The following CTDSP1 variants were observed in gnomAD, a reference collection of about 807,000 sequenced individuals.
CTDSP1 encodes the protein carboxy-terminal domain RNA polymerase II polypeptide A small phosphatase 1.
Under a neutral mutation model 32.5 loss-of-function variants are expected in CTDSP1, and 15 were observed. The observed-to-expected ratio is 0.46, with a 90% CI of 0.31 to 0.71. The LOEUF is 0.71. Ranked by LOEUF, CTDSP1 falls within the 30% of genes least tolerant of loss-of-function variation. The probability of loss-of-function intolerance (pLI) is 0.05; values close to 1 mark genes in which losing one functional copy is unlikely to be tolerated. For synonymous variants in CTDSP1, 185 were observed against 145.4 expected, an observed-to-expected ratio of 1.27 and a Z score of -1.96; for missense variants, 294 against 351.1, an observed-to-expected ratio of 0.84 and a Z score of 1.30.
chr2:218,398,433 T>C, upstream of CTDSP1: 3 of 1,534,876 alleles, frequency 2.0e-6, no homozygotes, highest in Non-Finnish European at 2.6e-6. Context: ...CCCCGTGGGC[T>C]ACCCAGGAGC....
intron 1 of CTDSP1, chr2:218,400,970 C>CCG: frequency 9.9e-6 from 1 of 100,670 alleles, no homozygotes. Flanking sequence ...TGCAGGGGGC[C>CCG]GGAGGGGGGT....
chr2:218,403,621 A>G lies in CTDSP1; in HGVS notation c.657+204A>G, dbSNP rs865933767. On this transcript the variant is annotated intron_variant, in intron 6 of 6. Transcript: ENST00000273062. The stretch of plus-strand genomic sequence containing the variant: ...ATGGTCTTTTCCCCTCGCACAAAGC[A>G]GAGCATCTGCCATGCACAGGGGCCC... 1.9e-5 allele frequency: 10 copies of G among 519,104 alleles called. No individual in the cohort carries two copies. The South Asian group carries it at 2.9e-4, about 15-fold the overall frequency. 32.2% of individuals were successfully genotyped at this position (519,104 alleles called of 1,614,324 possible). A position where few individuals can be genotyped will look rare whatever the true frequency, so the allele number is the denominator to read the frequency against.
At chr2:218,398,162 T>G (rs1696917752), upstream of CTDSP1, 1 of 531,790 alleles carries the variant, frequency 1.9e-6, no homozygotes, top group Admixed American at 3.4e-5. Flanking sequence ...CATCCGGAGA[T>G]AAAGCCGAGG....
In CTDSP1 at chr2:218,399,890, A is replaced by G. The variant is rs906311962; in HGVS notation, c.-201A>G. On this transcript the variant is annotated 5_prime_UTR_variant, in exon 1 of 7. Coordinates refer to ENST00000273062, the MANE Select transcript of CTDSP1 (RefSeq NM_021198.3). ...TTTGCATCCGCCTCGCGGGAAGGAA[A>G]CTCCATGTTGTAACAAAGTTTCCTC... 3.2e-6 allele frequency: 4 copies of G among 1,244,444 alleles called. No individual in the cohort carries two copies. In the East Asian group the frequency reaches 9.9e-5, roughly 31 times the overall value. 77.1% of individuals were successfully genotyped at this position (1,244,444 alleles called of 1,614,324 possible). A position where few individuals can be genotyped will look rare whatever the true frequency, so the allele number is the denominator to read the frequency against.
At position 218,401,718 on chromosome 2, in the gene CTDSP1, TG is replaced by T; in HGVS notation, c.216+11del. The stretch of plus-strand genomic sequence containing the variant: ...AGAATGGCGCCATCCCTAAGGTGCG[TG>T]GGGGCCAGGTGGGGCCACGGGGGCA... On this transcript the variant is annotated splice_region_variant and intron_variant, in intron 2 of 6. Coordinates refer to ENST00000273062, the MANE Select transcript of CTDSP1 (RefSeq NM_021198.3). The T allele has an allele frequency of 6.4e-7, 1 of 1,559,688 alleles. No individual in the cohort carries two copies. Among genetic ancestry groups the T allele is most frequent in the Non-Finnish European group, 8.7e-7 (1 of 1,152,926 alleles).
At chr2:218,399,823 C>G, upstream of CTDSP1, 2 of 1,181,008 alleles carry the variant, frequency 1.7e-6, no homozygotes, top group Non-Finnish European at 2.1e-6. Flanking sequence ...GAAGCCGTTG[C>G]CCTTTTAAGG....
At chr2:218,402,746 G>T in intron 4 of CTDSP1, 1 of 747,044 alleles carries the variant, frequency 1.3e-6, no homozygotes, top group Non-Finnish European at 2.5e-6. Context: ...TGGGGTGAGG[G>T]GGCTGCCCCT....
chr2:218,401,099 C>T (rs973783696), intron 1 of CTDSP1: 7 of 373,882 alleles, frequency 1.9e-5, no homozygotes, highest in Middle Eastern at 9.3e-4. Context: ...GCACCCCTGC[C>T]TCTGGGCCCA....
At chr2:218,403,975 A>G (rs2695339) in intron 6 of CTDSP1, among the ~76,000 whole-genome samples, 90,545 of 151,908 alleles carry the variant, frequency 0.6, 27,208 homozygotes, top group East Asian at 0.7. Flanking sequence ...TAGGAGTATC[A>G]CTTGAGCCCT....
rs551378353 is a variant in CTDSP1, at chr2:218,399,950, G to T, written c.-141G>T. Reference sequence around the variant, plus strand: ...TCCCTCCCCCTCCCCCCTAGAACCTGGCTCCCCTCCCCTCCGGAGCTCGCG... The same window carrying T: ...TCCCTCCCCCTCCCCCCTAGAACCTTGCTCCCCTCCCCTCCGGAGCTCGCG... On this transcript the variant is annotated 5_prime_UTR_variant, in exon 1 of 7. Transcript: ENST00000273062. 3.7e-5 allele frequency: 36 copies of T among 982,828 alleles called. No homozygotes were observed. The South Asian group carries it at 1.1e-3, about 29-fold the overall frequency. 60.9% of individuals were successfully genotyped at this position (982,828 alleles called of 1,614,324 possible). A position where few individuals can be genotyped will look rare whatever the true frequency, so the allele number is the denominator to read the frequency against.
chr2:218,398,166 G>A (rs913653301), upstream of CTDSP1: 7 of 536,926 alleles, frequency 1.3e-5, no homozygotes, highest in South Asian at 4.2e-5. Context: ...CGGAGATAAA[G>A]CCGAGGCCCC....
At chr2:218,400,730 G>A (rs1471312144) in intron 1 of CTDSP1, 5 of 455,806 alleles carry the variant, frequency 1.1e-5, no homozygotes, top group Non-Finnish European at 2.2e-5. Context: ...ACTTCCAAGA[G>A]TCGCTTGGCG....
chr2:218,397,755 C>T (rs1315590826), upstream of CTDSP1, among the ~76,000 whole-genome samples: 4 of 152,284 alleles, frequency 2.6e-5, no homozygotes. Context: ...CGAAGGACCC[C>T]CCTCCCCCCA....
chr2:218,404,211 C>G, intron 6 of CTDSP1, 86 bp from the exon 7 acceptor site: 1 of 1,518,180 alleles, frequency 6.6e-7, no homozygotes. Flanking sequence ...ACTGCATGAT[C>G]TGAGTAGTGG....
At chr2:218,402,304 C>G in intron 3 of CTDSP1, 45 bp from the exon 4 acceptor site, 1 of 1,613,418 alleles carries the variant, frequency 6.2e-7, no homozygotes, top group South Asian at 1.1e-5. Context: ...GACCCCATGC[C>G]CTGGGGCTCC....
At chr2:218,400,266 G>C (rs1394020536) in intron 1 of CTDSP1, 109 bp downstream of exon 1, 1 of 1,015,838 alleles carries the variant, frequency 9.8e-7, no homozygotes, top group East Asian at 2.7e-5. Flanking sequence ...GGCCGCCTTA[G>C]CTGTGCCCGA....
In CTDSP1 at chr2:218,404,532, TC is replaced by T; in HGVS notation, c.*108del. 3 of 1,421,062 alleles carry T rather than the reference TC, an allele frequency of 2.1e-6. No individual in the cohort carries two copies. Among genetic ancestry groups the T allele is most frequent in the Non-Finnish European group, 1.9e-6 (2 of 1,039,476 alleles). The allele number at this position is 1,421,062 out of a possible 1,614,324, so 88.0% of individuals were successfully genotyped here. A position where few individuals can be genotyped will look rare whatever the true frequency, so the allele number is the denominator to read the frequency against. On this transcript the variant is annotated 3_prime_UTR_variant, in exon 7 of 7. Coordinates refer to ENST00000273062, the MANE Select transcript of CTDSP1 (RefSeq NM_021198.3). ...GAAAACCCATGGGCCGCCGCCACAC[TC>T]AGTGCCATGGGGAAGCGGGCGTCTC... is the stretch of plus-strand genomic sequence containing the variant.
chr2:218,402,395 T>C lies in CTDSP1; in HGVS notation c.368T>C (p.Val123Ala). The change falls in exon 4 of 7, where the codon GTG (valine) becomes GCG (alanine). Residue 123 changes from valine (V) to alanine (A), a missense_variant. This residue lies in a region of CTDSP1 where 146 missense variants were observed against 237.7 expected (regional missense o/e 0.61). Coordinates refer to ENST00000273062, the MANE Select transcript of CTDSP1 (RefSeq NM_021198.3). ...ATCATCCCTGTGGAGATTGATGGGG[T>C]GGTCCACCAGGTGAGGGCCAGGAAG... ...DFIIPVEIDGVVHQVYVLKRP... is the reference protein window; with the variant it reads ...DFIIPVEIDGAVHQVYVLKRP... 6.2e-7 allele frequency: 1 copy of C among 1,609,722 alleles called. No individual in the cohort carries two copies. The highest frequency in any genetic ancestry group is 1.3e-5 in the African/African-American group (1 of 74,996).
In CTDSP1 at chr2:218,401,631, T is replaced by C. The variant is rs1431712613; in HGVS notation, c.135T>C (p.Cys45=). ...SRGILHSLFC[C]VCRDDGEALP... ...GCATCCTCCACTCACTCTTCTGCTG[T>C]GTCTGCCGGGATGATGGGGAGGCCC... Residue 45 remains cysteine, a synonymous_variant, in exon 2 of 7, where the codon TGT becomes TGC. Coordinates refer to ENST00000273062, the MANE Select transcript of CTDSP1 (RefSeq NM_021198.3). The C allele has an allele frequency of 1.2e-6, 2 of 1,613,238 alleles. No individual in the cohort carries two copies. Among genetic ancestry groups the C allele is most frequent in the African/African-American group, 1.3e-5 (1 of 74,902 alleles).
Sources: gnomAD v4.1 joint callset for allele counts (sites outside exome capture counted in the v4.1 genomes callset) on GRCh38, gnomAD v4.1.1 for gene constraint, gnomAD v4.1.1 regional missense constraint, MANE v1.5 for transcripts, NCBI Gene and HGNC (gene_info 2026-07-23, HGNC 2026-07-21) for gene names.